PLEKHA5: variants seen among roughly 807,000 people sequenced by gnomAD.
PLEKHA5 encodes pleckstrin homology domain containing A5, also known as pleckstrin homology domain-containing family A member 5.
PLEKHA5 carries 55 observed loss-of-function variants against 181.9 expected under a neutral mutation model. The ratio of observed to expected loss-of-function variants is 0.30; its 90% CI spans 0.24 to 0.38. The LOEUF (loss-of-function observed/expected upper bound fraction) is 0.38. PLEKHA5 is among the 10% of genes least tolerant of loss of function. The pLI is 1.00. For missense variants in PLEKHA5, 1,432 were observed against 1,549.5 expected (o/e 0.92, Z 1.27); for synonymous variants, 535 against 529.4 (o/e 1.01, Z -0.15).
chr12:19,236,028 C>A (rs1016789194), intron 3 of PLEKHA5, among the ~76,000 whole-genome samples: 2 of 152,120 alleles, frequency 1.3e-5, no homozygotes, highest in African/African-American at 4.8e-5. Context: ...ACAAAGATAT[C>A]TGAGCAGTCA....
At chr12:19,314,717 A>C in intron 15 of PLEKHA5, 97 bp from the exon 16 acceptor site, 1 of 717,890 alleles carries the variant, frequency 1.4e-6, no homozygotes, top group Non-Finnish European at 2.6e-6. Context: ...ACTATTAGGA[A>C]GATATTAAAG....
At chr12:19,174,630 G>A (rs2046763179) in intron 3 of PLEKHA5, among the ~76,000 whole-genome samples, 1 of 152,116 alleles carries the variant, frequency 6.6e-6, no homozygotes, top group South Asian at 2.1e-4. Context: ...ACTGACCGAT[G>A]AGCTGATACT....
chr12:19,289,186 C>G, intron 13 of PLEKHA5, among the ~76,000 whole-genome samples: 1 of 152,198 alleles, frequency 6.6e-6, no homozygotes, highest in East Asian at 1.9e-4. Flanking sequence ...ATTTAAATCT[C>G]ATACACCAAA....
chr12:19,316,285 G>A (rs1387789018), intron 16 of PLEKHA5, among the ~76,000 whole-genome samples: 1 of 151,980 alleles, frequency 6.6e-6, no homozygotes, highest in Admixed American at 6.6e-5. Context: ...TTTCAAATCT[G>A]TTTGGTTTGG....
chr12:19,198,637 A>C (rs1445047148), intron 3 of PLEKHA5, among the ~76,000 whole-genome samples: 1 of 152,308 alleles, frequency 6.6e-6, no homozygotes, highest in East Asian at 1.9e-4. Context: ...AATGCTTAGT[A>C]GATATTTGTG....
chr12:19,288,053 G>A (rs1274741049), intron 13 of PLEKHA5: 2 of 273,452 alleles, frequency 7.3e-6, no homozygotes, highest in Non-Finnish European at 1.4e-5. Context: ...ACTCCAGCCT[G>A]GGCAACAGAG....
chr12:19,163,418 C>G (rs1315170265), intron 3 of PLEKHA5, among the ~76,000 whole-genome samples: 3 of 152,102 alleles, frequency 2.0e-5, no homozygotes, highest in Admixed American at 1.3e-4. Context: ...ACCTCGTGAT[C>G]CGCCCACCTC....
chr12:19,193,990 C>T (rs1031823113), intron 3 of PLEKHA5, among the ~76,000 whole-genome samples: 11 of 131,470 alleles, frequency 8.4e-5, no homozygotes, highest in African/African-American at 2.7e-4. Flanking sequence ...AGTATTGCTA[C>T]TACAGCACCA....
chr12:19,282,188 A>G (rs1444306924), intron 11 of PLEKHA5, among the ~76,000 whole-genome samples: 1 of 152,208 alleles, frequency 6.6e-6, no homozygotes, highest in African/African-American at 2.4e-5. Flanking sequence ...AATTCCCAAA[A>G]TTAACATTTT....
chr12:19,194,006 T>C (rs988325054), intron 3 of PLEKHA5, among the ~76,000 whole-genome samples: 1 of 152,164 alleles, frequency 6.6e-6, no homozygotes, highest in Non-Finnish European at 1.5e-5. Context: ...CACCAAGCCA[T>C]GAGGGATCCA....
At chr12:19,199,966 AATG>A (rs1258733781) in intron 3 of PLEKHA5, among the ~76,000 whole-genome samples, 1 of 152,102 alleles carries the variant, frequency 6.6e-6, no homozygotes. Flanking sequence ...TCGACAGTGG[AATG>A]ATGACAGTAT....
chr12:19,155,932 C>T (rs1591837019), intron 3 of PLEKHA5, among the ~76,000 whole-genome samples: 1 of 152,132 alleles, frequency 6.6e-6, no homozygotes, highest in Admixed American at 6.5e-5. Context: ...GTAAAGTATA[C>T]GTTGAGTAGC....
intron 31 of PLEKHA5, chr12:19,370,675 T>C (rs1341243341): frequency 6.6e-6 from 1 of 152,024 alleles, no homozygotes. Context: ...CTAACATCTT[T>C]TTGTTTTTTT....
intron 3 of PLEKHA5, among the ~76,000 whole-genome samples, chr12:19,221,323 G>A (rs535916087): frequency 6.6e-6 from 1 of 152,220 alleles, no homozygotes; most frequent in South Asian, 2.1e-4. Flanking sequence ...AAGAAGAAAT[G>A]GGCTGTCAAG....
chr12:19,334,043 A>T (rs1399545327), intron 20 of PLEKHA5, among the ~76,000 whole-genome samples: 1 of 152,170 alleles, frequency 6.6e-6, no homozygotes, highest in African/African-American at 2.4e-5. Context: ...ATCTTGCTAT[A>T]TTAGCTTCTT....
intron 3 of PLEKHA5, among the ~76,000 whole-genome samples, chr12:19,179,666 A>G (rs1397572918): frequency 6.6e-6 from 1 of 152,218 alleles, no homozygotes; most frequent in African/African-American, 2.4e-5. Flanking sequence ...GTCTCAAAAA[A>G]GAAAAAACTA....
In PLEKHA5 at chr12:19,366,097, C is replaced by G. The variant is rs1565671484; in HGVS notation, c.3742C>G (p.Gln1248Glu). ...ESTPEVSRGN[Q>E]TMAVKSLSPS... ...AACTCCTGAGGTTTCTAGAGGAAAT[C>G]AAACAATGGCAGGTAGGTAGTATAC... Residue 1248 changes from glutamine (Q) to glutamate (E), a missense_variant, in exon 30 of 32, where the codon CAA becomes GAA. This residue lies in a region of PLEKHA5 where 1,143 missense variants were observed against 1,168.4 expected (regional missense o/e 0.98). Transcript: ENST00000429027. The G allele has an allele frequency of 6.2e-7, 1 of 1,610,592 alleles. No homozygotes were observed. The highest frequency in any genetic ancestry group is 8.5e-7 in the Non-Finnish European group (1 of 1,178,326).
chr12:19,288,077 CAAAAAAAA>C (rs9300127), intron 13 of PLEKHA5: 18 of 185,966 alleles, frequency 9.7e-5, no homozygotes, highest in South Asian at 3.1e-4. Context: ...GACTCTGTCT[CAAAAAAAA>C]AAAAAAAAAA....
intron 12 of PLEKHA5, among the ~76,000 whole-genome samples, chr12:19,286,581 A>G (rs1013389852): frequency 1.3e-5 from 2 of 152,336 alleles, no homozygotes; most frequent in South Asian, 4.1e-4. Context: ...CTGTAAAACA[A>G]TGCCACTCTT....
Sources: allele counts gnomAD v4.1 joint callset (sites outside exome capture counted in the v4.1 genomes callset), GRCh38; gene constraint gnomAD v4.1.1; regional missense constraint gnomAD v4.1.1; transcripts MANE v1.5; gene names NCBI Gene and HGNC (gene_info 2026-07-23, HGNC 2026-07-21).